TBC1D32: variants seen among roughly 807,000 people sequenced by gnomAD.
The protein encoded by TBC1D32 is protein broad-minded.
Under a neutral mutation model 170.3 loss-of-function variants are expected in TBC1D32, and 151 were observed. The observed-to-expected ratio is 0.89, with a 90% confidence interval of 0.78 to 1.01. The LOEUF (loss-of-function observed/expected upper bound fraction) is 1.01. Among genes scored for constraint, TBC1D32 ranks in the 50% least tolerant of loss-of-function variants. The pLI, the probability that TBC1D32 is intolerant of heterozygous loss-of-function variation, is 0.00. For missense variants in TBC1D32, 1,464 were observed against 1,457.1 expected (o/e 1.00, Z -0.08); for synonymous variants, 498 against 488.0 (o/e 1.02, Z -0.27).
At chr6:121,208,045 G>A (rs1792507497) in intron 21 of TBC1D32, among the ~76,000 whole-genome samples, 1 of 151,766 alleles carries the variant, frequency 6.6e-6, no homozygotes, top group African/African-American at 2.4e-5. Flanking sequence ...GAAAAGTAGA[G>A]GAAAAGGCTG....
intron 22 of TBC1D32, chr6:121,192,643 A>T (rs1790221816): frequency 6.6e-6 from 1 of 152,170 alleles, no homozygotes; most frequent in South Asian, 2.1e-4. Flanking sequence ...CCAGATATCT[A>T]CTGTTAAAGT....
intron 5 of TBC1D32, among the ~76,000 whole-genome samples, chr6:121,306,073 T>TG (rs1807279587): frequency 6.6e-6 from 1 of 152,182 alleles, no homozygotes; most frequent in African/African-American, 2.4e-5. Flanking sequence ...AATTTACAAT[T>TG]GCATCCGTCG....
At position 121,305,115 on chromosome 6, in the gene TBC1D32, T is replaced by C. The variant is rs375571399; in HGVS notation, c.691-282A>G. 5.9e-5 allele frequency among the ~76,000 whole-genome samples: 9 copies of C among 152,200 alleles called. No individual in the cohort carries two copies. In the East Asian group the frequency reaches 1.3e-3, roughly 23 times the overall value. On this transcript the variant is annotated intron_variant, in intron 5 of 31. Coordinates refer to ENST00000398212, the MANE Select transcript of TBC1D32 (RefSeq NM_152730.6). Reference sequence around the variant, plus strand: ...GAGGAGGGGGTAAGGTGAGGTTTCATAGAGGAGACAATGTAAAGGTGTCAA... The same window carrying C: ...GAGGAGGGGGTAAGGTGAGGTTTCACAGAGGAGACAATGTAAAGGTGTCAA...
At chr6:121,116,138 G>A (rs1474888389) in intron 26 of TBC1D32, among the ~76,000 whole-genome samples, 1 of 150,490 alleles carries the variant, frequency 6.6e-6, no homozygotes, top group Non-Finnish European at 1.5e-5. Flanking sequence ...TGGTAGAGAA[G>A]ACCAAAACCT....
intron 22 of TBC1D32, among the ~76,000 whole-genome samples, chr6:121,173,572 C>G (rs772816918): frequency 2.6e-5 from 4 of 151,824 alleles, no homozygotes; most frequent in Middle Eastern, 6.8e-3. Context: ...TACACAAGAC[C>G]CCCAATATGA....
rs567505005 is a variant in TBC1D32, at chr6:121,309,317, T to C, written c.565-1216A>G. On this transcript the variant is annotated intron_variant, in intron 4 of 31. Coordinates refer to ENST00000398212, the MANE Select transcript of TBC1D32 (RefSeq NM_152730.6). ...CTAAACAAGTATAGTTTCCAAATCA[T>C]CCATTTAAATTGAAGGCAACAGGAT... Among the ~76,000 whole-genome samples, 210 of 152,322 alleles carry C rather than the reference T, an allele frequency of 1.4e-3. 2 individuals are homozygous for C. The highest frequency in any genetic ancestry group is 1.7e-3 in the Non-Finnish European group (116 of 68,020).
chr6:121,241,258 C>A (rs961505706), intron 19 of TBC1D32, among the ~76,000 whole-genome samples: 5 of 151,992 alleles, frequency 3.3e-5, no homozygotes, highest in African/African-American at 1.2e-4. Context: ...GTATATATAT[C>A]ACAGAAACAC....
At chr6:121,205,700 C>T (rs1334088741) in intron 21 of TBC1D32, among the ~76,000 whole-genome samples, 1 of 152,136 alleles carries the variant, frequency 6.6e-6, no homozygotes, top group Non-Finnish European at 1.5e-5. Flanking sequence ...GAAAGATACA[C>T]AGGTGCCCAG....
At chr6:121,240,634 A>G (rs923482945) in intron 19 of TBC1D32, among the ~76,000 whole-genome samples, 6 of 151,698 alleles carry the variant, frequency 4.0e-5, no homozygotes, top group African/African-American at 1.5e-4. Context: ...CACACTTGTA[A>G]TCCTAGCATT....
rs760399221 is a variant in TBC1D32, at chr6:121,303,616, C to T, written c.1080+1G>A. ...TATAAAAATATTCTATTTTTCCTTA[C>T]CATCCACTTTTTGAACCACACAGCC... On this transcript the variant is annotated splice_donor_variant, in intron 9 of 31. Coordinates refer to ENST00000398212, the MANE Select transcript of TBC1D32 (RefSeq NM_152730.6). LOFTEE classifies it high-confidence loss of function. 1.3e-6 allele frequency: 2 copies of T among 1,534,340 alleles called. No homozygotes were observed. The highest frequency in any genetic ancestry group is 2.3e-5 in the East Asian group (1 of 43,712).
At chr6:121,239,332 T>C in intron 19 of TBC1D32, 144 bp from the exon 20 acceptor site, 2 of 454,906 alleles carry the variant, frequency 4.4e-6, no homozygotes, top group Non-Finnish European at 7.9e-6. Flanking sequence ...TAATCTCTTC[T>C]TGGTAGAAAT....
chr6:121,286,808 C>T (rs185818924), intron 12 of TBC1D32, among the ~76,000 whole-genome samples: 1 of 152,314 alleles, frequency 6.6e-6, no homozygotes, highest in African/African-American at 2.4e-5. Context: ...GATCTCTCAG[C>T]AGAAACTCTA....
At chr6:121,282,111 T>C (rs766675903) in intron 13 of TBC1D32, among the ~76,000 whole-genome samples, 8 of 151,618 alleles carry the variant, frequency 5.3e-5, no homozygotes, top group Non-Finnish European at 1.2e-4. Flanking sequence ...AAAATTACAT[T>C]CAAACAAGAA....
intron 30 of TBC1D32, among the ~76,000 whole-genome samples, chr6:121,105,661 A>AT (rs1389133482): frequency 1.3e-5 from 2 of 151,926 alleles, no homozygotes; most frequent in Non-Finnish European, 2.9e-5. Context: ...ATCCGCGGGG[A>AT]TTTTTTGTTA....
chr6:121,134,725 CTG>C (rs762721351), intron 24 of TBC1D32, among the ~76,000 whole-genome samples: 2 of 152,038 alleles, frequency 1.3e-5, no homozygotes, highest in Non-Finnish European at 2.9e-5. Flanking sequence ...ACATGTATAT[CTG>C]TGATATTACT....
chr6:121,282,904 A>C (rs2128447676), intron 13 of TBC1D32, among the ~76,000 whole-genome samples: 1 of 151,950 alleles, frequency 6.6e-6, no homozygotes, highest in Non-Finnish European at 1.5e-5. Context: ...AAAAAGTCTG[A>C]GAACCACTGT....
At chr6:121,219,821 T>C (rs557346636) in intron 21 of TBC1D32, among the ~76,000 whole-genome samples, 9 of 152,272 alleles carry the variant, frequency 5.9e-5, no homozygotes, top group Non-Finnish European at 1.3e-4. Flanking sequence ...GTGTTCACTT[T>C]GTGTCTCTGC....
intron 15 of TBC1D32, among the ~76,000 whole-genome samples, chr6:121,272,064 C>T (rs1457623052): frequency 3.3e-5 from 5 of 152,250 alleles, no homozygotes; most frequent in Admixed American, 2.0e-4. Context: ...ATATAGAAAG[C>T]TGAAACTGGA....
chr6:121,223,451 C>T lies in TBC1D32; in HGVS notation c.2365-99G>A, dbSNP rs573311956. 56 of 790,218 alleles carry T rather than the reference C, an allele frequency of 7.1e-5. No individual in the cohort carries two copies. The South Asian group carries it at 8.6e-4, about 12-fold the overall frequency. 49.0% of individuals were successfully genotyped at this position (790,218 alleles called of 1,614,324 possible). A position where few individuals can be genotyped will look rare whatever the true frequency, so the allele number is the denominator to read the frequency against. ...TTTCCTATCTGTATGACTTTGAGGG[C>T]TCATTTTTAAATATACCTAATTCCC... On this transcript the variant is annotated intron_variant, in intron 20 of 31. Transcript: ENST00000398212.
Sources: allele counts gnomAD v4.1 joint callset (sites outside exome capture counted in the v4.1 genomes callset), GRCh38; gene constraint gnomAD v4.1.1; transcripts MANE v1.5; gene names NCBI Gene and HGNC (gene_info 2026-07-23, HGNC 2026-07-21).